Variants in IMPG1 observed in about 807,000 individuals in gnomAD.
The protein encoded by IMPG1 is interphotoreceptor matrix proteoglycan 1, also known as interphotoreceptor matrix proteoglycan of 150 kDa.
In IMPG1, 85 loss-of-function variants were observed where a neutral mutation model predicts 92.0. That is an observed-to-expected ratio of 0.92 (90% CI 0.78 to 1.11). The LOEUF (loss-of-function observed/expected upper bound fraction) is 1.11, where lower values mean the gene tolerates loss of function less well. Ranked by LOEUF, IMPG1 falls within the 50% of genes least tolerant of loss-of-function variation. IMPG1 has a pLI of 0.00. For synonymous variants in IMPG1, 367 were observed against 334.1 expected (o/e 1.10, Z -1.08); for missense variants, 1,022 against 956.0 (o/e 1.07, Z -0.91).
At chr6:75,957,426 C>T (rs368861231) in intron 12 of IMPG1, among the ~76,000 whole-genome samples, 141 of 152,232 alleles carry the variant, frequency 9.3e-4, no homozygotes, top group African/African-American at 3.0e-3. Context: ...CTATTAGGTC[C>T]GCTTGACCCA....
intron 4 of IMPG1, among the ~76,000 whole-genome samples, chr6:76,027,077 A>AT (rs1036692059): frequency 6.6e-6 from 1 of 152,192 alleles, no homozygotes; most frequent in African/African-American, 2.4e-5. Flanking sequence ...CTTGGATCTA[A>AT]TTTTTTTAAG....
intron 13 of IMPG1, among the ~76,000 whole-genome samples, chr6:75,949,628 C>A (rs1054775810): frequency 6.6e-6 from 1 of 152,126 alleles, no homozygotes; most frequent in African/African-American, 2.4e-5. Context: ...TACGTGAGAT[C>A]CAAGAACCCT....
chr6:75,975,738 C>G (rs573775119), intron 12 of IMPG1, among the ~76,000 whole-genome samples: 1 of 152,078 alleles, frequency 6.6e-6, no homozygotes, highest in African/African-American at 2.4e-5. Flanking sequence ...AGTTGGCAAA[C>G]TTTTTCTGAC....
At chr6:75,965,933 G>A (rs958772600) in intron 12 of IMPG1, among the ~76,000 whole-genome samples, 2 of 152,056 alleles carry the variant, frequency 1.3e-5, no homozygotes, top group Non-Finnish European at 2.9e-5. Flanking sequence ...CCAGATATAT[G>A]TTTGCAAAGA....
At chr6:76,068,760 G>T (rs565000174) in intron 1 of IMPG1, among the ~76,000 whole-genome samples, 2 of 151,612 alleles carry the variant, frequency 1.3e-5, no homozygotes, top group African/African-American at 4.8e-5. Context: ...CAAGAGATCC[G>T]CCCACCTCAG....
chr6:75,981,284 A>G (rs1185135206), intron 12 of IMPG1, among the ~76,000 whole-genome samples: 2 of 152,204 alleles, frequency 1.3e-5, no homozygotes, highest in South Asian at 2.1e-4. Flanking sequence ...CTTTAGAGTT[A>G]ATTTAATTAA....
chr6:75,970,891 A>G (rs1782401883), intron 12 of IMPG1, among the ~76,000 whole-genome samples: 1 of 152,200 alleles, frequency 6.6e-6, no homozygotes, highest in African/African-American at 2.4e-5. Flanking sequence ...TAGTTCAACC[A>G]TTGTGGAAGT....
intron 1 of IMPG1, among the ~76,000 whole-genome samples, chr6:76,043,157 A>T (rs1362380946): frequency 1.3e-5 from 2 of 151,988 alleles, no homozygotes; most frequent in East Asian, 3.9e-4. Context: ...TCAGATCTCA[A>T]TTCTTCCTCT....
chr6:75,928,349 G>A (rs951275694), intron 15 of IMPG1, among the ~76,000 whole-genome samples: 5 of 152,050 alleles, frequency 3.3e-5, no homozygotes, highest in Admixed American at 1.3e-4. Flanking sequence ...ACAGGCATGC[G>A]CCATCATGCC....
intron 13 of IMPG1, among the ~76,000 whole-genome samples, chr6:75,948,305 A>G (rs1781962945): frequency 6.6e-6 from 1 of 152,178 alleles, no homozygotes; most frequent in Non-Finnish European, 1.5e-5. Context: ...GCCATCCTAG[A>G]GATCATTTTT....
intron 8 of IMPG1, among the ~76,000 whole-genome samples, chr6:76,010,206 C>T (rs1008823151): frequency 6.6e-6 from 1 of 152,188 alleles, no homozygotes; most frequent in Non-Finnish European, 1.5e-5. Context: ...AGCCCTTGCT[C>T]TGTACATCTT....
intron 6 of IMPG1, among the ~76,000 whole-genome samples, chr6:76,019,232 G>T (rs964666671): frequency 6.6e-6 from 1 of 152,110 alleles, no homozygotes; most frequent in African/African-American, 2.4e-5. Context: ...TTGCCTGTTG[G>T]TCTGGAAACC....
At chr6:75,965,024 T>C (rs1782283074) in intron 12 of IMPG1, among the ~76,000 whole-genome samples, 1 of 152,236 alleles carries the variant, frequency 6.6e-6, no homozygotes, top group African/African-American at 2.4e-5. Flanking sequence ...ATTGTGTGTA[T>C]CAATAATTTG....
chr6:76,020,846 A>G lies in IMPG1; in HGVS notation c.666+1270T>C, dbSNP rs141557202. 9.2e-5 allele frequency among the ~76,000 whole-genome samples: 14 copies of G among 152,274 alleles called. No homozygotes were observed. In the East Asian group the frequency reaches 1.2e-3, roughly 13 times the overall value. The stretch of plus-strand genomic sequence containing the variant: ...TATATATAGTGTGACTTACTTTCCA[A>G]TCTGACTCTGGCATAACATTATGTG... On this transcript the variant is annotated intron_variant, in intron 6 of 16. Transcript: ENST00000369950.
intron 12 of IMPG1, among the ~76,000 whole-genome samples, chr6:75,999,959 G>A (rs1014408538): frequency 1.3e-5 from 2 of 152,216 alleles, no homozygotes; most frequent in African/African-American, 2.4e-5. Context: ...CACATGTCCA[G>A]GGAGGGCCTT....
intron 14 of IMPG1, among the ~76,000 whole-genome samples, chr6:75,940,617 A>T (rs1163432951): frequency 6.6e-6 from 1 of 152,222 alleles, no homozygotes; most frequent in African/African-American, 2.4e-5. Context: ...TTAAAAGACC[A>T]TAAGTCATAG....
At chr6:75,939,102 G>A (rs527826507) in intron 14 of IMPG1, among the ~76,000 whole-genome samples, 9 of 152,312 alleles carry the variant, frequency 5.9e-5, no homozygotes, top group African/African-American at 2.2e-4. Context: ...GCCTCCCAAA[G>A]TGCTGGGATT....
chr6:75,992,329 A>C (rs548484688), intron 12 of IMPG1, among the ~76,000 whole-genome samples: 1 of 152,134 alleles, frequency 6.6e-6, no homozygotes, highest in East Asian at 1.9e-4. Context: ...ATTGTGTTCC[A>C]TTCCAGCATG....
At chr6:75,987,301 C>CTT (rs201510997) in intron 12 of IMPG1, among the ~76,000 whole-genome samples, 42 of 143,074 alleles carry the variant, frequency 2.9e-4, no homozygotes, top group Admixed American at 4.9e-4. Flanking sequence ...GACACACAGT[C>CTT]TTTTTTTTTT....
Sources: allele counts gnomAD v4.1 joint callset (sites outside exome capture counted in the v4.1 genomes callset), GRCh38; gene constraint gnomAD v4.1.1; transcripts MANE v1.5; gene names NCBI Gene and HGNC (gene_info 2026-07-23, HGNC 2026-07-21).